The following CLVS1 variants were observed in gnomAD, a reference collection of about 807,000 sequenced individuals.
CLVS1 encodes the protein clavesin 1, also known as clavesin-1.
In CLVS1, 10 loss-of-function variants were observed where a neutral mutation model predicts 33.1. The observed-to-expected ratio is 0.30, with a 90% CI of 0.19 to 0.51. The LOEUF is 0.51. CLVS1 is among the 20% of genes least tolerant of loss of function. CLVS1 has a pLI of 0.97. For synonymous variants in CLVS1, 163 were observed against 166.1 expected (o/e 0.98, Z 0.14); for missense variants, 343 against 433.4 (o/e 0.79, Z 1.85).
At chr8:61,414,861 C>A (rs927266015) in intron 3 of CLVS1, among the ~76,000 whole-genome samples, 2 of 152,234 alleles carry the variant, frequency 1.3e-5, no homozygotes, top group African/African-American at 4.8e-5. Flanking sequence ...CAGCACCTGC[C>A]TCTGCTCTAG....
At chr8:61,133,007 T>C (rs957368163) in intron 2 of CLVS1, among the ~76,000 whole-genome samples, 66 of 152,048 alleles carry the variant, frequency 4.3e-4, no homozygotes, top group African/African-American at 1.5e-3. Context: ...TGAAAAGCAG[T>C]GAGATTCTGA....
At chr8:61,435,077 C>G (rs1585970213) in intron 3 of CLVS1, among the ~76,000 whole-genome samples, 1 of 152,190 alleles carries the variant, frequency 6.6e-6, no homozygotes, top group South Asian at 2.1e-4. Context: ...TAGGGCATGA[C>G]TCCCTAGATC....
At chr8:61,460,308 C>T (rs73685052) in intron 5 of CLVS1, among the ~76,000 whole-genome samples, 2,238 of 152,194 alleles carry the variant, frequency 0.015, 44 homozygotes, top group African/African-American at 0.051. Context: ...TATATACAAA[C>T]ACCTTATTTT....
chr8:61,048,549 C>T, the CLVS1 span, among the ~76,000 whole-genome samples: 1 of 152,182 alleles, frequency 6.6e-6, no homozygotes, highest in African/African-American at 2.4e-5. Flanking sequence ...CCTTCTCCCC[C>T]AAATTTCCCT....
intron 2 of CLVS1, among the ~76,000 whole-genome samples, chr8:61,315,749 C>T (rs988718344): frequency 6.6e-6 from 1 of 152,014 alleles, no homozygotes; most frequent in Non-Finnish European, 1.5e-5. Context: ...TATATATATA[C>T]TTTAAGTTCT....
At chr8:61,210,092 G>A (rs1007857479) in intron 2 of CLVS1, among the ~76,000 whole-genome samples, 4 of 152,332 alleles carry the variant, frequency 2.6e-5, no homozygotes, top group African/African-American at 9.6e-5. Context: ...CACTCAAAGT[G>A]AGACACTCCT....
At chr8:60,990,928 T>A in the CLVS1 span, among the ~76,000 whole-genome samples, 1 of 152,104 alleles carries the variant, frequency 6.6e-6, no homozygotes, top group Admixed American at 6.5e-5. Flanking sequence ...GCCAGGCTGG[T>A]CTTGAACTCC....
In CLVS1 at chr8:61,347,626, TTATATATATATATATATATATATATATA is replaced by T. The variant is rs56179025; in HGVS notation, c.456-28949_456-28922del. Among the ~76,000 whole-genome samples the T allele has an allele frequency of 2.9e-3, 107 of 37,044 alleles. 1 individual carries two copies. Among genetic ancestry groups the T allele is most frequent in the South Asian group, 0.013 (10 of 794 alleles). 24.3% of individuals were successfully genotyped at this position (37,044 alleles called of 152,430 possible). A position where few individuals can be genotyped will look rare whatever the true frequency, so the allele number is the denominator to read the frequency against. ...TTATTAGCTCAATTTGGCCATTCCA[TTATATATATATATATATATATATATATA>T]TATATATATATATATATATATATAT... On this transcript the variant is annotated intron_variant, in intron 2 of 5. Coordinates refer to ENST00000325897, the MANE Select transcript of CLVS1 (RefSeq NM_173519.3).
At chr8:61,304,698 G>T (rs1368286572) in intron 2 of CLVS1, among the ~76,000 whole-genome samples, 1 of 152,154 alleles carries the variant, frequency 6.6e-6, no homozygotes, top group East Asian at 1.9e-4. Flanking sequence ...TTTCTAAGCT[G>T]CAGGCTTGCA....
intron 5 of CLVS1, among the ~76,000 whole-genome samples, chr8:61,477,620 T>C (rs1313216468): frequency 6.6e-6 from 1 of 152,338 alleles, no homozygotes; most frequent in South Asian, 2.1e-4. Flanking sequence ...TGGTAGTTTG[T>C]ATTTCTGTGG....
At chr8:61,171,600 AAAATG>A (rs1298686116) in intron 2 of CLVS1, among the ~76,000 whole-genome samples, 1 of 152,214 alleles carries the variant, frequency 6.6e-6, no homozygotes, top group Non-Finnish European at 1.5e-5. Context: ...AGGGCAATAT[AAAATG>A]AAATAAGTCA....
At position 61,299,724 on chromosome 8, in the gene CLVS1, A is replaced by G; in HGVS notation, c.-104A>G. On this transcript the variant is annotated 5_prime_UTR_variant, in exon 2 of 6. Transcript: ENST00000325897. ...TTCTGTTTTGGATGAACACCACCAC[A>G]TAGGGCCTGAATGTGAAAGAAGACC... The G allele has an allele frequency of 1.3e-6, 1 of 799,456 alleles. No homozygotes were observed. Among genetic ancestry groups the G allele is most frequent in the East Asian group, 2.5e-5 (1 of 39,306 alleles). 49.5% of individuals were successfully genotyped at this position (799,456 alleles called of 1,614,324 possible). A position where few individuals can be genotyped will look rare whatever the true frequency, so the allele number is the denominator to read the frequency against.
chr8:61,354,280 A>G (rs1812594536), intron 2 of CLVS1, among the ~76,000 whole-genome samples: 1 of 152,066 alleles, frequency 6.6e-6, no homozygotes, highest in African/African-American at 2.4e-5. Flanking sequence ...CGCCTACCAG[A>G]ATACCTAAAA....
At chr8:61,465,089 T>A (rs1817500046) in intron 5 of CLVS1, 2 of 152,376 alleles carry the variant, frequency 1.3e-5, no homozygotes. Flanking sequence ...GGCACCTTTC[T>A]GGGCAGCGTG....
At chr8:61,168,247 A>G (rs537319659) in intron 2 of CLVS1, among the ~76,000 whole-genome samples, 16 of 152,324 alleles carry the variant, frequency 1.1e-4, no homozygotes, top group Non-Finnish European at 1.9e-4. Context: ...TCATTGAGCC[A>G]AGTCTATATG....
At chr8:61,421,991 T>A (rs1303412453) in intron 3 of CLVS1, among the ~76,000 whole-genome samples, 2 of 151,734 alleles carry the variant, frequency 1.3e-5, no homozygotes, top group African/African-American at 4.9e-5. Context: ...TGGGCTTTAG[T>A]CAGGAAACTG....
At chr8:60,993,449 G>T in the CLVS1 span, among the ~76,000 whole-genome samples, 8 of 152,332 alleles carry the variant, frequency 5.3e-5, no homozygotes, top group African/African-American at 1.9e-4. Flanking sequence ...TGCTTCTCTT[G>T]CTGGCTGGTG....
the CLVS1 span, among the ~76,000 whole-genome samples, chr8:60,998,832 T>C: frequency 6.6e-6 from 1 of 152,200 alleles, no homozygotes; most frequent in Non-Finnish European, 1.5e-5. Context: ...GAGTTGCAGG[T>C]AAAGTGGCTT....
intron 2 of CLVS1, among the ~76,000 whole-genome samples, chr8:61,235,317 T>C (rs1808532759): frequency 6.6e-6 from 1 of 152,146 alleles, no homozygotes; most frequent in African/African-American, 2.4e-5. Flanking sequence ...CTCTGGCAAA[T>C]TGCAGAGGAC....
Sources: allele counts gnomAD v4.1 joint callset (sites outside exome capture counted in the v4.1 genomes callset), GRCh38; gene constraint gnomAD v4.1.1; transcripts MANE v1.5; gene names NCBI Gene and HGNC (gene_info 2026-07-23, HGNC 2026-07-21).